GPRASP3: variants seen among roughly 807,000 people sequenced by gnomAD.
GPRASP3 encodes G protein-coupled receptor associated sorting protein 3.
At chrX:102,736,851 C>T in the GPRASP3 span, among the ~76,000 whole-genome samples, 3 of 112,039 alleles carry the variant, frequency 2.7e-5, no homozygotes, top group Admixed American at 2.8e-4. Flanking sequence ...GAAGTAATTT[C>T]TGAAACTCCC....
At chrX:102,726,646 G>A in the GPRASP3 span, among the ~76,000 whole-genome samples, 1 of 111,948 alleles carries the variant, frequency 8.9e-6, no homozygotes, top group Non-Finnish European at 1.9e-5. Flanking sequence ...TAGTGCACCT[G>A]GGAAAATTAA....
the GPRASP3 span, among the ~76,000 whole-genome samples, chrX:102,742,822 C>T: frequency 3.6e-5 from 4 of 111,886 alleles, no homozygotes; most frequent in Non-Finnish European, 1.9e-5. Context: ...TTTATTTTCT[C>T]AAGGTTAAGG....
chrX:102,735,630 G>T, the GPRASP3 span, among the ~76,000 whole-genome samples: 1 of 110,853 alleles, frequency 9.0e-6, no homozygotes, highest in South Asian at 3.8e-4. Flanking sequence ...GGATGGTCTC[G>T]ATCTCCTGAC....
chrX:102,740,265 A>T, the GPRASP3 span, among the ~76,000 whole-genome samples: 25 of 111,748 alleles, frequency 2.2e-4, no homozygotes, highest in Admixed American at 2.3e-3. Context: ...CAAAAAGCAG[A>T]GTCACTTATG....
chrX:102,752,460 T>C, the GPRASP3 span: 1 of 123,583 alleles, frequency 8.1e-6, no homozygotes. Context: ...TCACTTAATA[T>C]TTTTCCCATG....
At chrX:102,723,475 A>G in the GPRASP3 span, among the ~76,000 whole-genome samples, 10 of 111,715 alleles carry the variant, frequency 9.0e-5, no homozygotes, top group South Asian at 3.8e-4. Context: ...TTCTGATAAT[A>G]TAAGTACTGG....
chrX:102,746,663 G>A, the GPRASP3 span, among the ~76,000 whole-genome samples: 1 of 112,752 alleles, frequency 8.9e-6, no homozygotes, highest in Non-Finnish European at 1.9e-5. Flanking sequence ...TGTCTTGGGT[G>A]CTGTCCCTTC....
chrX:102,721,219 G>C, the GPRASP3 span: 2 of 111,825 alleles, frequency 1.8e-5, no homozygotes, highest in African/African-American at 6.5e-5. Flanking sequence ...GGATGGAGTT[G>C]GCTTCAGGGG....
the GPRASP3 span, chrX:102,747,684 G>T: frequency 8.0e-5 from 9 of 112,083 alleles, no homozygotes; most frequent in African/African-American, 2.9e-4. Flanking sequence ...AATCATTGAG[G>T]AAGAGCAGAC....
chrX:102,723,957 C>T, the GPRASP3 span, among the ~76,000 whole-genome samples: 8 of 111,877 alleles, frequency 7.2e-5, no homozygotes, highest in Admixed American at 1.9e-4. Context: ...TACCCTGACT[C>T]CATAAGGAGA....
At chrX:102,731,802 C>T in the GPRASP3 span, among the ~76,000 whole-genome samples, 2 of 111,263 alleles carry the variant, frequency 1.8e-5, no homozygotes, top group Non-Finnish European at 3.8e-5. Flanking sequence ...ATGCAAGGTG[C>T]CCTCCTTACC....
At chrX:102,729,032 T>C in the GPRASP3 span, among the ~76,000 whole-genome samples, 1 of 112,046 alleles carries the variant, frequency 8.9e-6, no homozygotes, top group Non-Finnish European at 1.9e-5. Flanking sequence ...TTTTGATGAA[T>C]TGCTGGAGAC....
chrX:102,745,578 T>C, the GPRASP3 span, among the ~76,000 whole-genome samples: 1 of 110,352 alleles, frequency 9.1e-6, no homozygotes, highest in Non-Finnish European at 1.9e-5. Flanking sequence ...CCTCTCCCAT[T>C]AGCTTCCAGG....
chrX:102,750,773 TG>T, the GPRASP3 span: 6 of 461,294 alleles, frequency 1.3e-5, no homozygotes, highest in Admixed American at 3.1e-4. Context: ...TAGACTATTT[TG>T]GGGGTATCAA....
At chrX:102,734,936 C>T in the GPRASP3 span, among the ~76,000 whole-genome samples, 2 of 111,699 alleles carry the variant, frequency 1.8e-5, no homozygotes. Flanking sequence ...GACCTAATAT[C>T]TAAAACATTA....
the GPRASP3 span, chrX:102,750,652 A>G: frequency 5.3e-6 from 6 of 1,141,554 alleles, no homozygotes; most frequent in Non-Finnish European, 4.7e-6. Context: ...TGAGCCAGAG[A>G]TAGAACATTT....
the GPRASP3 span, chrX:102,749,579 G>C: frequency 8.3e-7 from 1 of 1,211,597 alleles, no homozygotes; most frequent in East Asian, 3.0e-5. Flanking sequence ...CCTGTGAGCA[G>C]GATAGTTAAG....
At chrX:102,733,206 G>C in the GPRASP3 span, among the ~76,000 whole-genome samples, 1 of 111,621 alleles carries the variant, frequency 9.0e-6, no homozygotes, top group Non-Finnish European at 1.9e-5. Context: ...CTGTAATCCC[G>C]GCACTTTGGG....
chrX:102,729,558 AATGCTAGAAATCAAAAATACTGTAAC>A, the GPRASP3 span, among the ~76,000 whole-genome samples: 1 of 112,405 alleles, frequency 8.9e-6, no homozygotes, highest in African/African-American at 3.2e-5. Flanking sequence ...TATTTAGGGA[AATGCTAGAAATCAAAAATACTGTAAC>A]AGAGCCCAGG....
Sources: allele counts gnomAD v4.1 joint callset (sites outside exome capture counted in the v4.1 genomes callset), GRCh38; gene constraint gnomAD v4.1.1; transcripts MANE v1.5; gene names NCBI Gene and HGNC (gene_info 2026-07-23, HGNC 2026-07-21).